The following SH3RF2 variants were observed in gnomAD, a reference collection of about 807,000 sequenced individuals.
SH3RF2 encodes the protein SH3 domain containing ring finger 2.
SH3RF2 carries 43 observed loss-of-function variants against 59.0 expected under a neutral mutation model. The observed-to-expected ratio is 0.73, with a 90% CI of 0.57 to 0.94. The LOEUF (loss-of-function observed/expected upper bound fraction) is 0.94, where lower values mean the gene tolerates loss of function less well. Ranked by LOEUF, SH3RF2 falls within the 40% of genes least tolerant of loss-of-function variation. The pLI is 0.00. For synonymous variants in SH3RF2, 391 were observed against 391.5 expected (o/e 1.00, Z 0.01); for missense variants, 930 against 940.1 (o/e 0.99, Z 0.14).
At chr5:146,013,641 C>T (rs1469258030) in intron 4 of SH3RF2, 106 bp from the exon 5 acceptor site, 4 of 1,172,680 alleles carry the variant, frequency 3.4e-6, no homozygotes, top group Middle Eastern at 3.9e-4. Context: ...GAGCCAGTGA[C>T]TGAGGAGGTG....
At chr5:145,987,199 A>C (rs919963835) in intron 2 of SH3RF2, among the ~76,000 whole-genome samples, 2 of 152,192 alleles carry the variant, frequency 1.3e-5, no homozygotes, top group Admixed American at 6.5e-5. Flanking sequence ...TCTCTGTTTT[A>C]CATTTTTTTC....
intron 2 of SH3RF2, among the ~76,000 whole-genome samples, chr5:145,959,643 G>GTA (rs1758554644): frequency 6.7e-6 from 1 of 148,200 alleles, no homozygotes; most frequent in South Asian, 2.1e-4. Context: ...GTGTGTGTGT[G>GTA]TGTGTATGTG....
chr5:146,011,660 C>T (rs1228361611), intron 4 of SH3RF2, among the ~76,000 whole-genome samples: 1 of 152,106 alleles, frequency 6.6e-6, no homozygotes, highest in Admixed American at 6.6e-5. Context: ...TGGGAGTTCG[C>T]TCATGATTTG....
chr5:146,058,320 T>A (rs1367161435), intron 8 of SH3RF2, among the ~76,000 whole-genome samples: 2 of 152,036 alleles, frequency 1.3e-5, no homozygotes, highest in African/African-American at 2.4e-5. Flanking sequence ...TTCTCTCTTT[T>A]CCCAAGGTGA....
At chr5:145,976,229 A>G (rs1759288842) in intron 2 of SH3RF2, among the ~76,000 whole-genome samples, 1 of 152,114 alleles carries the variant, frequency 6.6e-6, no homozygotes, top group Admixed American at 6.6e-5. Context: ...CACCACTTAC[A>G]TATCAGCTGT....
intron 2 of SH3RF2, among the ~76,000 whole-genome samples, chr5:145,981,096 TTC>T (rs1759490457): frequency 6.6e-6 from 1 of 152,166 alleles, no homozygotes; most frequent in African/African-American, 2.4e-5. Flanking sequence ...TCAATTTTTT[TTC>T]TTTTTTCTTT....
At chr5:146,027,368 A>T (rs770292679) in intron 5 of SH3RF2, among the ~76,000 whole-genome samples, 6 of 152,176 alleles carry the variant, frequency 3.9e-5, no homozygotes, top group Middle Eastern at 3.2e-3. Context: ...TGCTGTCCTC[A>T]CCTGGCAAGC....
intron 5 of SH3RF2, among the ~76,000 whole-genome samples, chr5:146,038,195 G>T (rs1580899458): frequency 6.6e-6 from 1 of 152,218 alleles, no homozygotes; most frequent in East Asian, 1.9e-4. Context: ...TGTGATTAAT[G>T]GAATCTATTT....
Position 146,060,165 on chromosome 5 carries a change from G to A in SH3RF2, c.1855G>A (p.Ala619Thr), listed in dbSNP as rs183936389. The A allele has an allele frequency of 4.6e-5, 75 of 1,613,832 alleles. No individual in the cohort carries two copies. The East Asian group carries it at 4.9e-4, about 11-fold the overall frequency. ...GAGTGAGCCTCTGCCAAAACCGCCCGCATCTGCCCCACCATCCATCCTGGT... is the reference window on the plus strand; with the variant it reads ...GAGTGAGCCTCTGCCAAAACCGCCCACATCTGCCCCACCATCCATCCTGGT... ...IKSEPLPKPPASAPPSILVKP... is the reference protein window; with the variant it reads ...IKSEPLPKPPTSAPPSILVKP... Residue 619 changes from alanine (A) to threonine (T), a missense_variant, in exon 9 of 10, where the codon GCA becomes ACA. Ala to Thr is a moderately conservative substitution (Grantham distance 58, BLOSUM62 0). Coordinates refer to ENST00000359120, the MANE Select transcript of SH3RF2 (RefSeq NM_152550.4).
intron 2 of SH3RF2, among the ~76,000 whole-genome samples, chr5:145,986,974 T>C (rs918809783): frequency 2.0e-5 from 3 of 152,072 alleles, no homozygotes; most frequent in African/African-American, 7.2e-5. Flanking sequence ...TTCTGAGTGT[T>C]TGATAAATAT....
chr5:145,943,117 C>T (rs1286034587), intron 2 of SH3RF2, among the ~76,000 whole-genome samples: 1 of 151,332 alleles, frequency 6.6e-6, no homozygotes, highest in East Asian at 1.9e-4. Context: ...TGGCATATAA[C>T]AGAAGCTAAT....
chr5:145,992,005 G>T (rs778728907), intron 2 of SH3RF2, among the ~76,000 whole-genome samples: 2 of 152,158 alleles, frequency 1.3e-5, no homozygotes, highest in Admixed American at 6.5e-5. Context: ...GATCAAATCA[G>T]TCAGGGGTGG....
intron 5 of SH3RF2, among the ~76,000 whole-genome samples, chr5:146,022,877 ACACACAC>A (rs1761383206): frequency 8.2e-3 from 60 of 7,312 alleles, no homozygotes; most frequent in Admixed American, 0.01. Flanking sequence ...CCATCTAAAC[ACACACAC>A]ACACACACAC....
At chr5:146,043,717 T>C (rs1488687904) in intron 5 of SH3RF2, 1 of 152,250 alleles carries the variant, frequency 6.6e-6, no homozygotes, top group Non-Finnish European at 1.5e-5. Flanking sequence ...TTTTATATAA[T>C]TGGCATTATA....
rs1761122544 is a variant in SH3RF2 at position 146,016,793 on chromosome 5, A to C, written c.1059+2732A>C. 3.3e-5 allele frequency among the ~76,000 whole-genome samples: 5 copies of C among 152,286 alleles called. No homozygotes were observed. In the South Asian group the frequency reaches 1.0e-3, roughly 32 times the overall value. On this transcript the variant is annotated intron_variant, in intron 5 of 9. Transcript: ENST00000359120. ...TTCACTTGGCTCCTTTTGAATGCTA[A>C]GGCCTTCCAGCATTTTCTTCTCCAC...
At chr5:146,036,829 G>C (rs577906476) in intron 5 of SH3RF2, among the ~76,000 whole-genome samples, 1 of 152,344 alleles carries the variant, frequency 6.6e-6, no homozygotes, top group East Asian at 1.9e-4. Flanking sequence ...CTAATGCAGA[G>C]CATAGCTATG....
intron 5 of SH3RF2, among the ~76,000 whole-genome samples, chr5:146,023,357 C>A (rs573068953): frequency 6.6e-6 from 1 of 152,108 alleles, no homozygotes; most frequent in East Asian, 1.9e-4. Context: ...TAAAGGCATG[C>A]ACCACCACAC....
chr5:146,064,774 G>A (rs28695438), downstream of SH3RF2, among the ~76,000 whole-genome samples: 11,029 of 33,976 alleles, frequency 0.32, 2,476 homozygotes, highest in South Asian at 0.4. Flanking sequence ...AAGGAAGGAA[G>A]GAAAGGAAGG....
At chr5:145,987,131 G>A (rs1020144887) in intron 2 of SH3RF2, among the ~76,000 whole-genome samples, 7 of 152,162 alleles carry the variant, frequency 4.6e-5, no homozygotes, top group Non-Finnish European at 8.8e-5. Context: ...TGAGGGGAGA[G>A]AAAGAGAGAG....
Sources: allele counts gnomAD v4.1 joint callset (sites outside exome capture counted in the v4.1 genomes callset), GRCh38; gene constraint gnomAD v4.1.1; transcripts MANE v1.5; gene names NCBI Gene and HGNC (gene_info 2026-07-23, HGNC 2026-07-21).